CEP72: variants seen among roughly 807,000 people sequenced by gnomAD.
The protein encoded by CEP72 is centrosomal protein 72.
A neutral mutation model predicts 65.7 loss-of-function variants in CEP72; 78 were observed. The ratio of observed to expected loss-of-function variants is 1.19; its 90% confidence interval spans 0.99 to 1.43. CEP72 has a LOEUF of 1.43. CEP72 is among the 40% of genes most tolerant of loss of function. The pLI is 0.00. For missense variants in CEP72, 914 were observed against 832.9 expected (o/e 1.10, Z -1.20); for synonymous variants, 358 against 351.7 (o/e 1.02, Z -0.20).
At chr5:637,400 G>A (rs1196209216) in intron 6 of CEP72, 117 bp from the exon 7 acceptor site, 7 of 826,016 alleles carry the variant, frequency 8.5e-6, no homozygotes, top group African/African-American at 1.7e-5. Flanking sequence ...GTAAGTGTGC[G>A]TGTGTGTCCA....
At chr5:674,451 C>T in the CEP72 span, among the ~76,000 whole-genome samples, 2 of 152,280 alleles carry the variant, frequency 1.3e-5, no homozygotes, top group Non-Finnish European at 2.9e-5. Flanking sequence ...CCTGCTTCTG[C>T]GTGGGCTAAA....
intron 5 of CEP72, among the ~76,000 whole-genome samples, chr5:634,277 G>T (rs1308924283): frequency 2.0e-5 from 3 of 152,214 alleles, no homozygotes; most frequent in Non-Finnish European, 4.4e-5. Flanking sequence ...CAGCTGCAGG[G>T]GGGCATAGTC....
chr5:640,564 G>A lies in CEP72; in HGVS notation c.1499G>A (p.Ser500Asn), dbSNP rs1444506898. 4 of 1,613,754 alleles carry A rather than the reference G, an allele frequency of 2.5e-6. No homozygotes were observed. Among genetic ancestry groups the A allele is most frequent in the East Asian group, 2.2e-5 (1 of 44,896 alleles). The change falls in exon 9 of 12, where the codon AGC becomes AAC. Residue 500 changes from serine (S) to asparagine (N), a missense_variant. Transcript: ENST00000264935. The stretch of plus-strand genomic sequence containing the variant: ...CAGCAGCAGCACGCCCGGGAGATGA[G>A]CGAGGTGACGGCGGAGCTGCACCAC... ...EQQQQHAREM[S>N]EVTAELHHTH...
intron 11 of CEP72, among the ~76,000 whole-genome samples, chr5:652,456 A>G (rs1371258870): frequency 6.6e-6 from 1 of 152,220 alleles, no homozygotes; most frequent in Non-Finnish European, 1.5e-5. Context: ...CTGGGTGATT[A>G]GGGCAATTTG....
rs763669484 is a variant in CEP72 at position 633,788 on chromosome 5, A to G, written c.532A>G (p.Lys178Glu). 2.5e-6 allele frequency: 4 copies of G among 1,613,988 alleles called. No homozygotes were observed. Among genetic ancestry groups the G allele is most frequent in the Non-Finnish European group, 3.4e-6 (4 of 1,180,050 alleles). The change falls in exon 5 of 12, where the codon AAG becomes GAG. Residue 178 changes from lysine to glutamate, a missense_variant. Transcript: ENST00000264935. Reference sequence around the variant, plus strand: ...TTACAGACCACACCACCCCAGAGCCAAGTGCACCGAGGCCTTGGCCAAGCA... The same window carrying G: ...TTACAGACCACACCACCCCAGAGCCGAGTGCACCGAGGCCTTGGCCAAGCA... ...KEGRPHHPRAKCTEALAKQSL... is the reference protein window; with the variant it reads ...KEGRPHHPRAECTEALAKQSL...
intron 1 of CEP72, among the ~76,000 whole-genome samples, chr5:618,668 CATG>C (rs1306673438): frequency 6.6e-6 from 1 of 152,056 alleles, no homozygotes; most frequent in African/African-American, 2.4e-5. Context: ...TGAGAGGACA[CATG>C]AGGAGTAAGG....
rs767047518 is a variant in CEP72, at chr5:647,950, G to A, written c.1778+34G>A. 6 of 1,496,534 alleles carry A rather than the reference G, an allele frequency of 4.0e-6. No homozygotes were observed. In the South Asian group the frequency reaches 4.6e-5, roughly 12 times the overall value. 92.7% of individuals were successfully genotyped at this position (1,496,534 alleles called of 1,614,324 possible). A position where few individuals can be genotyped will look rare whatever the true frequency, so the allele number is the denominator to read the frequency against. ...CCGTGAGACTTGGGTGGGCCCCCGA[G>A]GGGAGGAGGCCCAGGTACAGGGAGG... On this transcript the variant is annotated intron_variant, in intron 11 of 11. Transcript: ENST00000264935.
intron 1 of CEP72, among the ~76,000 whole-genome samples, chr5:617,134 A>G (rs1353040638): frequency 6.6e-6 from 1 of 152,134 alleles, no homozygotes; most frequent in Admixed American, 6.5e-5. Context: ...TGTGGCACCC[A>G]GAGTGGGATG....
At chr5:660,738 G>C (rs1358093219), downstream of CEP72, 2 of 152,400 alleles carry the variant, frequency 1.3e-5, no homozygotes, top group Non-Finnish European at 1.5e-5. Flanking sequence ...GACAGGCCCT[G>C]TGCCAACAAA....
intron 10 of CEP72, among the ~76,000 whole-genome samples, chr5:647,232 T>TG: frequency 6.6e-6 from 1 of 152,200 alleles, no homozygotes; most frequent in East Asian, 1.9e-4. Flanking sequence ...TGTGTCTACA[T>TG]GTGGGTTTAT....
downstream of CEP72, among the ~76,000 whole-genome samples, chr5:658,737 C>T (rs765093263): frequency 9.2e-5 from 12 of 130,708 alleles, no homozygotes; most frequent in Admixed American, 4.5e-4. Context: ...GGCGTGATCT[C>T]GGCTCACTGC....
chr5:616,604 C>G (rs1051069978), intron 1 of CEP72, among the ~76,000 whole-genome samples: 2 of 152,176 alleles, frequency 1.3e-5, no homozygotes, highest in Admixed American at 1.3e-4. Context: ...GAAGACTCCT[C>G]ACTCGAGCCT....
chr5:616,119 C>A (rs1735973884), intron 1 of CEP72, among the ~76,000 whole-genome samples: 1 of 152,100 alleles, frequency 6.6e-6, no homozygotes, highest in Admixed American at 6.5e-5. Context: ...TTTCTTCATT[C>A]CACGATGCTC....
At chr5:666,499 T>C (rs1697824816) in intron 4 of CEP72, among the ~76,000 whole-genome samples, 1 of 152,184 alleles carries the variant, frequency 6.6e-6, no homozygotes. Flanking sequence ...GCCCCGGCTC[T>C]GCCTGTGTGT....
the CEP72 span, among the ~76,000 whole-genome samples, chr5:674,202 C>T: frequency 6.6e-6 from 1 of 152,248 alleles, no homozygotes; most frequent in Non-Finnish European, 1.5e-5. Flanking sequence ...TATCCTGGAA[C>T]ACACATTGGG....
chr5:668,432 G>C (rs1350085100), downstream of CEP72, among the ~76,000 whole-genome samples: 21 of 119,398 alleles, frequency 1.8e-4, no homozygotes, highest in African/African-American at 6.1e-4. Context: ...CCGCGTGGGC[G>C]CCGTCAGGGA....
intron 10 of CEP72, among the ~76,000 whole-genome samples, chr5:644,767 C>T (rs1738304631): frequency 1.3e-5 from 2 of 152,152 alleles, no homozygotes; most frequent in African/African-American, 4.8e-5. Context: ...TGGCGTCCTC[C>T]CATGGTTATG....
At chr5:637,467 G>A (rs776593898) in intron 6 of CEP72, 50 bp from the exon 7 acceptor site, 3 of 1,540,200 alleles carry the variant, frequency 1.9e-6, no homozygotes, top group Non-Finnish European at 2.7e-6. Flanking sequence ...GCTGAACACT[G>A]CACCCAGAGA....
In CEP72 at chr5:642,695, C is replaced by T. The variant is rs1220558014; in HGVS notation, c.1540-1604C>T. The T allele has an allele frequency of 4.1e-6, 4 of 985,346 alleles. No individual in the cohort carries two copies. The African/African-American group carries it at 7.0e-5, about 17-fold the overall frequency. 61.0% of individuals were successfully genotyped at this position (985,346 alleles called of 1,614,324 possible). A position where few individuals can be genotyped will look rare whatever the true frequency, so the allele number is the denominator to read the frequency against. ...CTCTGGACAGAGCAGCCCTGGTTCC[C>T]TGTCAGGGTGAGTGATCCAGAAGAA... On this transcript the variant is annotated intron_variant, in intron 9 of 11. Coordinates refer to ENST00000264935, the MANE Select transcript of CEP72 (RefSeq NM_018140.4).
Sources: allele counts gnomAD v4.1 joint callset (sites outside exome capture counted in the v4.1 genomes callset), GRCh38; gene constraint gnomAD v4.1.1; transcripts MANE v1.5; gene names NCBI Gene and HGNC (gene_info 2026-07-23, HGNC 2026-07-21).